The following GPC6 variants were observed in gnomAD, a reference collection of about 807,000 sequenced individuals.
GPC6 encodes the protein glypican-6.
Under a neutral mutation model 55.2 loss-of-function variants are expected in GPC6, and 14 were observed. The ratio of observed to expected loss-of-function variants is 0.25; its 90% CI spans 0.17 to 0.40. The LOEUF (loss-of-function observed/expected upper bound fraction) is 0.40. Ranked by LOEUF, GPC6 falls within the 10% of genes least tolerant of loss-of-function variation. The pLI, the probability that GPC6 is intolerant of heterozygous loss-of-function variation, is 1.00. For missense variants in GPC6, 641 were observed against 708.5 expected, an observed-to-expected ratio of 0.90 and a Z score of 1.08; for synonymous variants, 278 against 259.6, an observed-to-expected ratio of 1.07 and a Z score of -0.68.
intron 2 of GPC6, among the ~76,000 whole-genome samples, chr13:93,547,048 C>T (rs1033131759): frequency 2.2e-4 from 34 of 151,776 alleles, no homozygotes; most frequent in African/African-American, 8.2e-4. Flanking sequence ...AAGACTGAGC[C>T]GGCCAGGCAT....
Position 94,024,718 on chromosome 13 carries a change from T to G in GPC6, c.712-3011T>G, listed in dbSNP as rs541770308. On this transcript the variant is annotated intron_variant, in intron 3 of 8. Transcript: ENST00000377047. ...CCGAGTTGGAGACTCTTCTGAAATG[T>G]CAGACTGAGAAAATAGTACTGGTTC... Among the ~76,000 whole-genome samples, 4 of 152,254 alleles carry G rather than the reference T, an allele frequency of 2.6e-5. No individual in the cohort carries two copies. The East Asian group carries it at 7.7e-4, about 29-fold the overall frequency.
intron 2 of GPC6, among the ~76,000 whole-genome samples, chr13:93,549,331 C>T (rs1458845587): frequency 6.6e-6 from 1 of 152,132 alleles, no homozygotes; most frequent in Non-Finnish European, 1.5e-5. Context: ...TAGTGATTAG[C>T]CTGTCAAATT....
intron 4 of GPC6, among the ~76,000 whole-genome samples, chr13:94,073,862 T>C (rs1884819402): frequency 6.6e-6 from 1 of 152,236 alleles, no homozygotes; most frequent in African/African-American, 2.4e-5. Context: ...TAAATGGTGC[T>C]TGGGAAAATG....
intron 3 of GPC6, among the ~76,000 whole-genome samples, chr13:94,027,523 A>G (rs1407689327): frequency 6.6e-6 from 1 of 152,034 alleles, no homozygotes; most frequent in Admixed American, 6.6e-5. Flanking sequence ...TTACAATGAC[A>G]TCGATATGAA....
chr13:93,706,241 T>C (rs1312729166), intron 2 of GPC6, among the ~76,000 whole-genome samples: 1 of 151,910 alleles, frequency 6.6e-6, no homozygotes, highest in Non-Finnish European at 1.5e-5. Context: ...ACAACTACTT[T>C]AAATATTTTT....
In GPC6 at chr13:93,545,334, C is replaced by G. The variant is rs1431452743; in HGVS notation, c.232C>G (p.Gln78Glu). The stretch of plus-strand genomic sequence containing the variant: ...AGAAATGGAAGACAAGTTAAGCCAA[C>G]AAAGCAAACTCGAATTTGAAAACCT... ...TTEMEDKLSQ[Q>E]SKLEFENLVE... is the part of the protein sequence containing the mutation. The change falls in exon 2 of 9, where the codon CAA (glutamine) becomes GAA (glutamate). Residue 78 changes from glutamine (Q) to glutamate (E), a missense_variant. Gln to Glu is a conservative substitution (Grantham distance 29, BLOSUM62 2). Coordinates refer to ENST00000377047, the MANE Select transcript of GPC6 (RefSeq NM_005708.5). 1.2e-6 allele frequency: 2 copies of G among 1,613,438 alleles called. No homozygotes were observed. The highest frequency in any genetic ancestry group is 2.7e-5 in the African/African-American group (2 of 74,904).
At chr13:93,510,975 A>ATATATATGTGTATATATATG (rs1880940773) in intron 1 of GPC6, among the ~76,000 whole-genome samples, 1 of 6,988 alleles carries the variant, frequency 1.4e-4, no homozygotes, top group African/African-American at 2.1e-4. Flanking sequence ...ATATATGTGT[A>ATATATATGTGTATATATATG]TATATATATG....
At position 94,184,411 on chromosome 13, in the gene GPC6, G is replaced by T. The variant is rs541076538; in HGVS notation, c.878-101938G>T. Among the ~76,000 whole-genome samples, 3 of 151,176 alleles carry T rather than the reference G, an allele frequency of 2.0e-5. No homozygotes were observed. In the East Asian group the frequency reaches 5.8e-4, roughly 29 times the overall value. ...GCATCCAACAAAGGTCTAACATCCA[G>T]AATCTAGAAGGAGCTTAAACAAATC... On this transcript the variant is annotated intron_variant, in intron 4 of 8. Transcript: ENST00000377047.
chr13:93,682,891 G>T (rs926998298), intron 2 of GPC6, among the ~76,000 whole-genome samples: 2 of 150,752 alleles, frequency 1.3e-5, no homozygotes, highest in Non-Finnish European at 3.0e-5. Context: ...GGTAGTGCAC[G>T]CCTGTAATCC....
intron 6 of GPC6, among the ~76,000 whole-genome samples, chr13:94,346,735 A>AG (rs1280454342): frequency 6.6e-6 from 1 of 151,866 alleles, no homozygotes; most frequent in Non-Finnish European, 1.5e-5. Context: ...AAAAAAAAAA[A>AG]AAATTCACTG....
chr13:93,807,236 A>G (rs1348689166), intron 2 of GPC6, among the ~76,000 whole-genome samples: 1 of 152,240 alleles, frequency 6.6e-6, no homozygotes, highest in East Asian at 1.9e-4. Context: ...GGAACAAGAA[A>G]CAATTAAAAT....
intron 4 of GPC6, among the ~76,000 whole-genome samples, chr13:94,272,171 T>A (rs1029239816): frequency 1.4e-4 from 22 of 152,138 alleles, no homozygotes; most frequent in African/African-American, 5.3e-4. Context: ...CTAATCACAC[T>A]GTTTGAATTC....
intron 1 of GPC6, among the ~76,000 whole-genome samples, chr13:93,287,988 T>C (rs1036293898): frequency 6.6e-6 from 1 of 152,208 alleles, no homozygotes; most frequent in Admixed American, 6.5e-5. Flanking sequence ...CATTGCATTT[T>C]GTTAAACTGT....
chr13:93,858,409 C>T lies in GPC6; in HGVS notation c.711+27864C>T, dbSNP rs374498392. On this transcript the variant is annotated intron_variant, in intron 3 of 8. Coordinates refer to ENST00000377047, the MANE Select transcript of GPC6 (RefSeq NM_005708.5). ...TCCCATACATAATTTGGCATCAACA[C>T]TTTATTAATGCAAACAAGTAGAAAA... is the stretch of plus-strand genomic sequence containing the variant. 2.0e-5 allele frequency among the ~76,000 whole-genome samples: 3 copies of T among 151,580 alleles called. No individual in the cohort carries two copies. In the East Asian group the frequency reaches 5.9e-4, roughly 30 times the overall value.
chr13:93,702,352 C>CTA (rs1393188395), intron 2 of GPC6, among the ~76,000 whole-genome samples: 1 of 151,890 alleles, frequency 6.6e-6, no homozygotes. Flanking sequence ...TAACCGTGCT[C>CTA]TAAACAGAAG....
At chr13:94,284,455 TG>T (rs1228607392) in intron 4 of GPC6, among the ~76,000 whole-genome samples, 19 of 122,620 alleles carry the variant, frequency 1.5e-4, no homozygotes, top group East Asian at 6.2e-4. Flanking sequence ...AATACATGTA[TG>T]TTTTTTTTTT....
intron 1 of GPC6, among the ~76,000 whole-genome samples, chr13:93,363,390 T>C (rs889986714): frequency 4.0e-5 from 6 of 151,378 alleles, no homozygotes; most frequent in Non-Finnish European, 8.8e-5. Flanking sequence ...CGGTGTTTGG[T>C]TTTTTGTTCT....
chr13:94,262,479 C>A (rs1891682411), intron 4 of GPC6, among the ~76,000 whole-genome samples: 1 of 152,062 alleles, frequency 6.6e-6, no homozygotes, highest in African/African-American at 2.4e-5. Context: ...TCGAGACCAG[C>A]CTGGCCAACA....
At chr13:93,496,112 C>T (rs926565414) in intron 1 of GPC6, among the ~76,000 whole-genome samples, 1 of 152,130 alleles carries the variant, frequency 6.6e-6, no homozygotes, top group Non-Finnish European at 1.5e-5. Flanking sequence ...GGTTGGCGCC[C>T]CTCCCCCAGC....
Sources: allele counts gnomAD v4.1 joint callset (sites outside exome capture counted in the v4.1 genomes callset), GRCh38; gene constraint gnomAD v4.1.1; transcripts MANE v1.5; gene names NCBI Gene and HGNC (gene_info 2026-07-23, HGNC 2026-07-21).